Variants in DPP10 observed in about 807,000 individuals in gnomAD.
DPP10 encodes the protein dipeptidyl peptidase like 10.
DPP10 carries 33 observed loss-of-function variants against 120.9 expected under a neutral mutation model. The observed-to-expected ratio is 0.27, with a 90% CI of 0.21 to 0.37. DPP10 has a LOEUF of 0.37. Among genes scored for constraint, DPP10 ranks in the 10% least tolerant of loss-of-function variants. DPP10 has a pLI of 1.00. For synonymous variants in DPP10, 337 were observed against 326.1 expected, an observed-to-expected ratio of 1.03 and a Z score of -0.36; for missense variants, 816 against 942.8, an observed-to-expected ratio of 0.87 and a Z score of 1.76.
intron 1 of DPP10, among the ~76,000 whole-genome samples, chr2:115,190,522 G>A (rs1174861347): frequency 6.6e-6 from 1 of 152,112 alleles, no homozygotes; most frequent in Non-Finnish European, 1.5e-5. Flanking sequence ...GGAAGGGCTT[G>A]GTTTCACTGC....
chr2:114,709,283 T>C (rs1382048457), intron 1 of DPP10, among the ~76,000 whole-genome samples: 2 of 152,170 alleles, frequency 1.3e-5, no homozygotes, highest in Non-Finnish European at 2.9e-5. Context: ...CCTATTGACA[T>C]CCAGGTTCAT....
At chr2:114,793,543 G>A (rs1683434954) in intron 1 of DPP10, among the ~76,000 whole-genome samples, 1 of 152,128 alleles carries the variant, frequency 6.6e-6, no homozygotes. Context: ...ATTGCCCACT[G>A]TGTATCAGAC....
At chr2:115,121,671 A>G (rs761748856) in intron 1 of DPP10, among the ~76,000 whole-genome samples, 1 of 152,144 alleles carries the variant, frequency 6.6e-6, no homozygotes, top group Non-Finnish European at 1.5e-5. Flanking sequence ...CACCAATGGT[A>G]GTTATCTAGA....
chr2:114,579,346 C>T (rs1690307858), intron 1 of DPP10, among the ~76,000 whole-genome samples: 1 of 152,030 alleles, frequency 6.6e-6, no homozygotes, highest in Non-Finnish European at 1.5e-5. Context: ...AGCCTTGGCT[C>T]TCCTCAATTT....
chr2:115,249,768 T>C (rs2058678432), intron 1 of DPP10, among the ~76,000 whole-genome samples: 1 of 152,140 alleles, frequency 6.6e-6, no homozygotes, highest in Admixed American at 6.6e-5. Flanking sequence ...TGCCTACTGT[T>C]AAGTATGAAA....
Position 114,459,433 on chromosome 2 carries a change from A to G in DPP10, c.60+16595A>G, listed in dbSNP as rs147341134. Among the ~76,000 whole-genome samples the G allele has an allele frequency of 7.9e-5, 12 of 152,326 alleles. 1 individual carries two copies. Among genetic ancestry groups the G allele is most frequent in the African/African-American group, 2.9e-4 (12 of 41,578 alleles). ...GGGTAAGAAACATGTTACAGTTTAG[A>G]AAGATCTGTACAAGGTCTACTTACA... is the stretch of plus-strand genomic sequence containing the variant. On this transcript the variant is annotated intron_variant, in intron 1 of 25. Transcript: ENST00000410059.
chr2:115,699,103 G>A lies in DPP10; in HGVS notation c.576+9182G>A, dbSNP rs555697795. ...GATTGAAAGTGGGGATATTATGACC[G>A]TTTCTACACAAATAAAAAGGATTAT... is the stretch of plus-strand genomic sequence containing the variant. On this transcript the variant is annotated intron_variant, in intron 7 of 25. Coordinates refer to ENST00000410059, the MANE Select transcript of DPP10 (RefSeq NM_020868.6). 9.9e-4 allele frequency among the ~76,000 whole-genome samples: 144 copies of A among 145,702 alleles called. 1 individual carries two copies. The highest frequency in any genetic ancestry group is 4.2e-3 in the Middle Eastern group (1 of 240).
intron 7 of DPP10, among the ~76,000 whole-genome samples, chr2:115,710,414 CTA>C (rs767909868): frequency 6.6e-6 from 1 of 152,006 alleles, no homozygotes; most frequent in Non-Finnish European, 1.5e-5. Context: ...TGTAACATTT[CTA>C]TGTTTTACAT....
rs561274934 is a variant in DPP10, at chr2:114,627,617, A to T, written c.60+184779A>T. On this transcript the variant is annotated intron_variant, in intron 1 of 25. Transcript: ENST00000410059. ...GGGTGAGCTGGGATTTTTTTTAGGT[A>T]GGGGGAGGGAGCGGAAGTAAAAACA... 2.6e-5 allele frequency among the ~76,000 whole-genome samples: 4 copies of T among 152,056 alleles called. 1 individual carries two copies. In the Middle Eastern group the frequency reaches 0.014, roughly 517 times the overall value.
chr2:114,962,029 G>T (rs967367907), intron 1 of DPP10, among the ~76,000 whole-genome samples: 11 of 152,110 alleles, frequency 7.2e-5, no homozygotes, highest in African/African-American at 2.2e-4. Context: ...GCTGCTGTTA[G>T]ATTGGCTGCT....
chr2:114,468,101 G>A (rs1189480128), intron 1 of DPP10, among the ~76,000 whole-genome samples: 1 of 152,200 alleles, frequency 6.6e-6, no homozygotes, highest in South Asian at 2.1e-4. Context: ...GGTGCTGGTA[G>A]GGTCTTTACA....
intron 1 of DPP10, among the ~76,000 whole-genome samples, chr2:114,836,629 G>A (rs542497320): frequency 6.6e-6 from 1 of 152,242 alleles, no homozygotes; most frequent in East Asian, 1.9e-4. Context: ...GAAGTTTCGG[G>A]CACCCATTGT....
At chr2:114,752,960 G>T (rs183534264) in intron 1 of DPP10, among the ~76,000 whole-genome samples, 1 of 152,302 alleles carries the variant, frequency 6.6e-6, no homozygotes, top group East Asian at 1.9e-4. Context: ...GGGCAGCACT[G>T]GATCCTGTGA....
intron 11 of DPP10, among the ~76,000 whole-genome samples, chr2:115,759,120 T>C (rs984383341): frequency 6.6e-6 from 1 of 152,088 alleles, no homozygotes; most frequent in African/African-American, 2.4e-5. Context: ...AACTACAGTC[T>C]GGAAGAAAAT....
chr2:114,619,247 A>G (rs990728059), intron 1 of DPP10, among the ~76,000 whole-genome samples: 4 of 152,166 alleles, frequency 2.6e-5, no homozygotes, highest in Middle Eastern at 3.4e-3. Context: ...AAAAGAAGTA[A>G]ACTTTTCAGT....
chr2:114,994,098 T>C (rs1700926842), intron 1 of DPP10, among the ~76,000 whole-genome samples: 1 of 152,198 alleles, frequency 6.6e-6, no homozygotes, highest in African/African-American at 2.4e-5. Flanking sequence ...AACCCAATTC[T>C]GTATGTATTC....
intron 1 of DPP10, among the ~76,000 whole-genome samples, chr2:114,797,788 G>A (rs757642104): frequency 2.6e-5 from 4 of 152,166 alleles, no homozygotes; most frequent in Non-Finnish European, 4.4e-5. Context: ...CAGGAGATGC[G>A]ATATAATTCC....
intron 1 of DPP10, among the ~76,000 whole-genome samples, chr2:114,915,138 A>T (rs1286658183): frequency 1.3e-5 from 2 of 152,216 alleles, no homozygotes; most frequent in Non-Finnish European, 2.9e-5. Flanking sequence ...CTCAAAAAAA[A>T]AAATAAAAAA....
chr2:115,133,897 C>A (rs142090689), intron 1 of DPP10, among the ~76,000 whole-genome samples: 172 of 152,270 alleles, frequency 1.1e-3, no homozygotes, highest in African/African-American at 4.0e-3. Context: ...TAAATGTTTG[C>A]TAAATTGATG....
Sources: gnomAD v4.1 joint callset for allele counts (sites outside exome capture counted in the v4.1 genomes callset) on GRCh38, gnomAD v4.1.1 for gene constraint, MANE v1.5 for transcripts, NCBI Gene and HGNC (gene_info 2026-07-23, HGNC 2026-07-21) for gene names.